CLSTN2: variants seen among roughly 807,000 people sequenced by gnomAD.
The protein encoded by CLSTN2 is calsyntenin 2.
Under a neutral mutation model 101.2 loss-of-function variants are expected in CLSTN2, and 48 were observed. The observed-to-expected ratio is 0.47, with a 90% confidence interval of 0.38 to 0.60. The LOEUF (loss-of-function observed/expected upper bound fraction) is 0.60, where lower values mean the gene tolerates loss of function less well. Ranked by LOEUF, CLSTN2 falls within the 20% of genes least tolerant of loss-of-function variation. The probability of loss-of-function intolerance (pLI) is 0.00; values close to 1 mark genes in which losing one functional copy is unlikely to be tolerated. For missense variants in CLSTN2, 1,160 were observed against 1,238.2 expected (o/e 0.94, Z 0.95); for synonymous variants, 481 against 463.6 (o/e 1.04, Z -0.48).
At chr3:139,963,168 G>A (rs1180214149) in intron 1 of CLSTN2, among the ~76,000 whole-genome samples, 2 of 152,064 alleles carry the variant, frequency 1.3e-5, no homozygotes, top group African/African-American at 4.8e-5. Flanking sequence ...GACCAAAAGG[G>A]ACACTCTGTG....
chr3:139,959,567 C>T (rs111624721), intron 1 of CLSTN2, among the ~76,000 whole-genome samples: 1,758 of 152,186 alleles, frequency 0.012, 28 homozygotes, highest in African/African-American at 0.039. Flanking sequence ...TTGACAGTGA[C>T]GCTATCCCCA....
chr3:140,355,099 C>T (rs934649998), intron 2 of CLSTN2, among the ~76,000 whole-genome samples: 4 of 152,134 alleles, frequency 2.6e-5, no homozygotes, highest in Non-Finnish European at 4.4e-5. Context: ...ATCAGAAGAC[C>T]AGATGAGCAG....
chr3:140,083,497 C>T (rs1009908879), intron 1 of CLSTN2, among the ~76,000 whole-genome samples: 12 of 152,282 alleles, frequency 7.9e-5, no homozygotes, highest in African/African-American at 2.4e-4. Flanking sequence ...CAGGTCTTCC[C>T]GAGCAGCAAG....
chr3:140,378,922 C>T (rs752198301), intron 2 of CLSTN2, among the ~76,000 whole-genome samples: 60 of 152,228 alleles, frequency 3.9e-4, no homozygotes, highest in Non-Finnish European at 6.9e-4. Flanking sequence ...TTACCCTTCC[C>T]TCCCACCTTT....
chr3:140,323,457 G>T (rs1311388655), intron 2 of CLSTN2, among the ~76,000 whole-genome samples: 2 of 152,298 alleles, frequency 1.3e-5, no homozygotes, highest in East Asian at 3.9e-4. Flanking sequence ...TGTAAGCTAA[G>T]CAAGCTACCC....
At chr3:140,059,548 C>A (rs1273609528) in intron 1 of CLSTN2, among the ~76,000 whole-genome samples, 1 of 152,122 alleles carries the variant, frequency 6.6e-6, no homozygotes, top group Non-Finnish European at 1.5e-5. Flanking sequence ...TCCCCTCAAG[C>A]CTTCCTGTCA....
chr3:139,963,006 A>T (rs574841694), intron 1 of CLSTN2, among the ~76,000 whole-genome samples: 24 of 151,662 alleles, frequency 1.6e-4, no homozygotes, highest in African/African-American at 3.6e-4. Flanking sequence ...CATTGATTTA[A>T]TATTATTATT....
intron 2 of CLSTN2, among the ~76,000 whole-genome samples, chr3:140,310,743 T>C (rs1441743294): frequency 2.0e-5 from 3 of 152,202 alleles, no homozygotes; most frequent in Admixed American, 2.0e-4. Context: ...CCATTCAAGA[T>C]GGAATTATTA....
At chr3:140,307,572 G>A (rs2087126876) in intron 2 of CLSTN2, among the ~76,000 whole-genome samples, 1 of 152,190 alleles carries the variant, frequency 6.6e-6, no homozygotes, top group African/African-American at 2.4e-5. Flanking sequence ...AATGACTTTG[G>A]AGGCGGTACT....
intron 1 of CLSTN2, among the ~76,000 whole-genome samples, chr3:140,010,137 A>G (rs566266925): frequency 6.6e-6 from 1 of 152,280 alleles, no homozygotes; most frequent in Non-Finnish European, 1.5e-5. Context: ...GCCTATTTGC[A>G]TGGTATTTGG....
intron 1 of CLSTN2, among the ~76,000 whole-genome samples, chr3:140,029,939 G>A (rs78285016): frequency 0.051 from 7,704 of 152,174 alleles, 217 homozygotes; most frequent in Non-Finnish European, 0.064. Flanking sequence ...CCCTATAGAG[G>A]CCCCAGAGTT....
intron 2 of CLSTN2, among the ~76,000 whole-genome samples, chr3:140,216,866 C>A (rs762554960): frequency 3.9e-5 from 6 of 152,196 alleles, no homozygotes; most frequent in Non-Finnish European, 8.8e-5. Flanking sequence ...GGAGGTCCCA[C>A]AGATAATCTG....
At chr3:140,116,036 G>A (rs1313115397) in intron 1 of CLSTN2, among the ~76,000 whole-genome samples, 1 of 152,186 alleles carries the variant, frequency 6.6e-6, no homozygotes, top group East Asian at 1.9e-4. Context: ...TGGTACATTG[G>A]TGCCTGATGT....
At position 140,403,771 on chromosome 3, in the gene CLSTN2, G is replaced by C. The variant is rs1459080146; in HGVS notation, c.375G>C (p.Gln125His). 1.2e-6 allele frequency: 2 copies of C among 1,614,124 alleles called. No individual in the cohort carries two copies. Among genetic ancestry groups the C allele is most frequent in the Non-Finnish European group, 1.7e-6 (2 of 1,180,000 alleles). ...AGAAGGAGTACACATTCATCATCCA[G>C]GCCTATGACTGTGGTGCTGGGCCCC... is the stretch of plus-strand genomic sequence containing the variant. ...ELQKEYTFII[Q>H]AYDCGAGPHE... is the part of the protein sequence containing the mutation. Residue 125 changes from glutamine to histidine, a missense_variant, in exon 3 of 17, where the codon CAG becomes CAC. By Grantham distance (24) the Gln-to-His change is conservative. Coordinates refer to ENST00000458420, the MANE Select transcript of CLSTN2 (RefSeq NM_022131.3).
chr3:140,407,713 C>T (rs905514172), intron 4 of CLSTN2, among the ~76,000 whole-genome samples: 1 of 152,184 alleles, frequency 6.6e-6, no homozygotes, highest in African/African-American at 2.4e-5. Flanking sequence ...AGTTCTGGAT[C>T]TATTTGAGAT....
chr3:140,052,218 G>T (rs570477381), intron 1 of CLSTN2, among the ~76,000 whole-genome samples: 1 of 152,274 alleles, frequency 6.6e-6, no homozygotes, highest in Non-Finnish European at 1.5e-5. Flanking sequence ...GAGTGTAATG[G>T]CATGATCTCA....
At chr3:139,967,449 A>G (rs1441845475) in intron 1 of CLSTN2, among the ~76,000 whole-genome samples, 2 of 152,188 alleles carry the variant, frequency 1.3e-5, no homozygotes, top group African/African-American at 4.8e-5. Context: ...CACCTCAGCA[A>G]CACCCATGCC....
intron 1 of CLSTN2, among the ~76,000 whole-genome samples, chr3:139,959,069 G>A (rs1935457265): frequency 6.6e-6 from 1 of 151,986 alleles, no homozygotes; most frequent in African/African-American, 2.4e-5. Flanking sequence ...ATTCCCCTGT[G>A]TCTTTCTCTA....
intron 1 of CLSTN2, among the ~76,000 whole-genome samples, chr3:139,946,902 T>C (rs1272143020): frequency 6.6e-6 from 1 of 152,230 alleles, no homozygotes; most frequent in African/African-American, 2.4e-5. Context: ...CAGTCTTGCA[T>C]TATAAGAACT....
Sources: allele counts gnomAD v4.1 joint callset (sites outside exome capture counted in the v4.1 genomes callset), GRCh38; gene constraint gnomAD v4.1.1; transcripts MANE v1.5; gene names NCBI Gene and HGNC (gene_info 2026-07-23, HGNC 2026-07-21).